RAD51D: variants seen among roughly 807,000 people sequenced by gnomAD.
RAD51D encodes DNA repair protein RAD51 homolog 4.
A neutral mutation model predicts 44.1 loss-of-function variants in RAD51D; 38 were observed. That is an observed-to-expected ratio of 0.86 (90% confidence interval 0.67 to 1.13). The LOEUF (loss-of-function observed/expected upper bound fraction) is 1.13, where lower values mean the gene tolerates loss of function less well. Among genes scored for constraint, RAD51D ranks in the 50% most tolerant of loss-of-function variants. The pLI, the probability that RAD51D is intolerant of heterozygous loss-of-function variation, is 0.00. For synonymous variants in RAD51D, 141 were observed against 166.6 expected (o/e 0.85, Z 1.18); for missense variants, 390 against 414.0 (o/e 0.94, Z 0.50).
chr17:35,108,486 C>G (rs1160143147), intron 3 of RAD51D, among the ~76,000 whole-genome samples: 1 of 142,688 alleles, frequency 7.0e-6, no homozygotes, highest in African/African-American at 2.7e-5. Context: ...ATAGCAAGAC[C>G]CTTTTCTCTT....
chr17:35,105,873 G>A (rs145165060), intron 6 of RAD51D, among the ~76,000 whole-genome samples: 74 of 152,210 alleles, frequency 4.9e-4, no homozygotes, highest in African/African-American at 1.7e-3. Flanking sequence ...AAAGGGAGGA[G>A]GTACAGAAAA....
In RAD51D at chr17:35,100,145, G is replaced by T. The variant is rs1426740648; in HGVS notation, c.*808C>A. The stretch of plus-strand genomic sequence containing the variant: ...GCTGTACTGTGGAGGGGCCCCACAG[G>T]GCACCATGCATATTAAATGAGTGGC... On this transcript the variant is annotated 3_prime_UTR_variant, in exon 10 of 10. Coordinates refer to ENST00000345365, the MANE Select transcript of RAD51D (RefSeq NM_002878.4). 1.9e-6 allele frequency: 1 copy of T among 533,020 alleles called. No individual in the cohort carries two copies. The highest frequency in any genetic ancestry group is 3.6e-6 in the Non-Finnish European group (1 of 275,580). 33.0% of individuals were successfully genotyped at this position (533,020 alleles called of 1,614,324 possible).
At position 35,099,771 on chromosome 17, in the gene RAD51D, G is replaced by C. The variant is rs772529166; in HGVS notation, c.*1182C>G. The C allele has an allele frequency of 2.3e-6, 1 of 429,818 alleles. No homozygotes were observed. The highest frequency in any genetic ancestry group is 4.6e-6 in the Non-Finnish European group (1 of 218,786). The allele number at this position is 429,818 out of a possible 1,614,324, so 26.6% of individuals were successfully genotyped here. A position where few individuals can be genotyped will look rare whatever the true frequency, so the allele number is the denominator to read the frequency against. On this transcript the variant is annotated 3_prime_UTR_variant, in exon 10 of 10. Coordinates refer to ENST00000345365, the MANE Select transcript of RAD51D (RefSeq NM_002878.4). ...AGATGACCTTCCTTTAAAAGATGTGGCCAGTAACCAATCCTGATCATTTCT... is the reference window on the plus strand; with the variant it reads ...AGATGACCTTCCTTTAAAAGATGTGCCCAGTAACCAATCCTGATCATTTCT...
Position 35,118,620 on chromosome 17 carries a change from C to T in RAD51D, c.145-1G>A. The T allele has an allele frequency of 6.2e-7, 1 of 1,613,650 alleles. No individual in the cohort carries two copies. The highest frequency in any genetic ancestry group is 8.5e-7 in the Non-Finnish European group (1 of 1,179,540). On this transcript the variant is annotated splice_acceptor_variant, in intron 2 of 9. Coordinates refer to ENST00000345365, the MANE Select transcript of RAD51D (RefSeq NM_002878.4). LOFTEE classifies it high-confidence loss of function. The stretch of plus-strand genomic sequence containing the variant: ...GCACCCGCCTCAGGGCAACCAGGGC[C>T]TGCCAAAGGGCCCCAGACTGCTCAG...
intron 3 of RAD51D, among the ~76,000 whole-genome samples, chr17:35,113,347 C>A (rs1000477889): frequency 6.6e-6 from 1 of 152,200 alleles, no homozygotes; most frequent in African/African-American, 2.4e-5. Context: ...CGGCTCACTG[C>A]AACCTCCGCC....
Position 35,099,945 on chromosome 17 carries a change from G to A in RAD51D, c.*1008C>T, listed in dbSNP as rs569497853. ...CTAGCTGTGGTACAGCTGGCAGGAA[G>A]AGAGGTGTAATTATATTGCATCTTG... On this transcript the variant is annotated 3_prime_UTR_variant, in exon 10 of 10. Coordinates refer to ENST00000345365, the MANE Select transcript of RAD51D (RefSeq NM_002878.4). 7.2e-5 allele frequency: 38 copies of A among 526,170 alleles called. 1 individual carries two copies. The highest frequency in any genetic ancestry group is 5.2e-4 in the South Asian group (34 of 65,102). The allele number at this position is 526,170 out of a possible 1,614,324, so 32.6% of individuals were successfully genotyped here.
At chr17:35,115,912 G>GAAGGAAGA (rs1555569842) in intron 3 of RAD51D, among the ~76,000 whole-genome samples, 7 of 106,590 alleles carry the variant, frequency 6.6e-5, no homozygotes, top group Non-Finnish European at 1.3e-4. Flanking sequence ...AGGAAGGAAG[G>GAAGGAAGA]AAGGAAGGAA....
rs140062175 is a variant in RAD51D at position 35,116,314 on chromosome 17, G to A, written c.263+2187C>T. On this transcript the variant is annotated intron_variant, in intron 3 of 9. Coordinates refer to ENST00000345365, the MANE Select transcript of RAD51D (RefSeq NM_002878.4). ...AACCCTGCTTTCACAATGGCCTCCC[G>A]CCTCCAGGGAGACAGCCGGGCAGAT... 2.5e-3 allele frequency among the ~76,000 whole-genome samples: 378 copies of A among 152,134 alleles called. 2 individuals are homozygous for A. The highest frequency in any genetic ancestry group is 0.02 in the Middle Eastern group (6 of 294).
chr17:35,113,746 A>T (rs1288379834), intron 3 of RAD51D, among the ~76,000 whole-genome samples: 1 of 152,200 alleles, frequency 6.6e-6, no homozygotes, highest in Non-Finnish European at 1.5e-5. Context: ...CATTGAGATC[A>T]GAGGAACCCC....
At chr17:35,110,781 G>A (rs1211312096) in intron 3 of RAD51D, among the ~76,000 whole-genome samples, 1 of 152,092 alleles carries the variant, frequency 6.6e-6, no homozygotes, top group African/African-American at 2.4e-5. Context: ...AGGCCAGCCT[G>A]GGCAACATAA....
At chr17:35,116,818 A>G (rs550296040) in intron 3 of RAD51D, 5 of 1,412,796 alleles carry the variant, frequency 3.5e-6, no homozygotes, top group East Asian at 5.0e-5. Context: ...AAACAGTAAC[A>G]TGCTCATTGG....
chr17:35,104,215 G>A (rs923139492), intron 6 of RAD51D, among the ~76,000 whole-genome samples: 27 of 152,174 alleles, frequency 1.8e-4, no homozygotes, highest in African/African-American at 2.4e-4. Context: ...CCACCATGGT[G>A]GTAAGGCCCT....
At position 35,107,382 on chromosome 17, in the gene RAD51D, C is replaced by G. The variant is rs587780103; in HGVS notation, c.329G>C (p.Gly110Ala). The G allele has an allele frequency of 6.4e-6, 10 of 1,560,160 alleles. No homozygotes were observed. The South Asian group carries it at 8.9e-5, about 14-fold the overall frequency. The change falls in exon 4 of 10, where the codon GGT becomes GCT. Residue 110 changes from glycine to alanine, a missense_variant. By Grantham distance (60) the Gly-to-Ala change is moderately conservative. Transcript: ENST00000345365. ...CACATGTACCTGAGTTTTGCCGCTA[C>G]CTGGGCCTCCTACAATTTCAGTCAC... ...GEVTEIVGGP[G>A]SGKTQVCLCM...
rs955272331 is a variant in RAD51D, at chr17:35,092,307, A to G, written c.*8646T>C. On this transcript the variant is annotated 3_prime_UTR_variant, in exon 10 of 10. Coordinates refer to ENST00000345365, the MANE Select transcript of RAD51D (RefSeq NM_002878.4). Reference sequence around the variant, plus strand: ...ATGAAGCACAGGCCTTTCCCCAAACAGTTGTGAAAAAATAAATCATATTAT... The same window carrying G: ...ATGAAGCACAGGCCTTTCCCCAAACGGTTGTGAAAAAATAAATCATATTAT... 8.5e-5 allele frequency: 13 copies of G among 152,304 alleles called. No individual in the cohort carries two copies. The highest frequency in any genetic ancestry group is 1.3e-4 in the Admixed American group (2 of 15,306). 9.4% of individuals were successfully genotyped at this position (152,304 alleles called of 1,614,324 possible). A position where few individuals can be genotyped will look rare whatever the true frequency, so the allele number is the denominator to read the frequency against.
rs1248973908 is a variant in RAD51D, at chr17:35,092,515, G to A, written c.*8438C>T. 6.6e-6 allele frequency: 1 copy of A among 152,146 alleles called. No individual in the cohort carries two copies. Among genetic ancestry groups the A allele is most frequent in the Admixed American group, 6.5e-5 (1 of 15,270 alleles). The allele number at this position is 152,146 out of a possible 1,614,324, so 9.4% of individuals were successfully genotyped here. ...GGCATATATTTTACCAACAAAGAATGTAATTCCCCTGCAACATACACTTTA... is the reference window on the plus strand; with the variant it reads ...GGCATATATTTTACCAACAAAGAATATAATTCCCCTGCAACATACACTTTA... On this transcript the variant is annotated 3_prime_UTR_variant, in exon 10 of 10. Transcript: ENST00000345365.
At chr17:35,107,728 G>GT (rs2091624977) in intron 3 of RAD51D, among the ~76,000 whole-genome samples, 1 of 142,336 alleles carries the variant, frequency 7.0e-6, no homozygotes, top group Admixed American at 7.0e-5. Context: ...CTCAGGCCCT[G>GT]TGGGTTTCCT....
intron 3 of RAD51D, among the ~76,000 whole-genome samples, chr17:35,108,368 G>A (rs1184706019): frequency 6.6e-6 from 1 of 151,878 alleles, no homozygotes; most frequent in Non-Finnish European, 1.5e-5. Flanking sequence ...AATAACAACT[G>A]TACTACAAAA....
In RAD51D at chr17:35,100,152, T is replaced by C. The variant is rs539550426; in HGVS notation, c.*801A>G. On this transcript the variant is annotated 3_prime_UTR_variant, in exon 10 of 10. Coordinates refer to ENST00000345365, the MANE Select transcript of RAD51D (RefSeq NM_002878.4). The stretch of plus-strand genomic sequence containing the variant: ...TGTGGAGGGGCCCCACAGGGCACCA[T>C]GCATATTAAATGAGTGGCTGGATTC... 3 of 532,798 alleles carry C rather than the reference T, an allele frequency of 5.6e-6. No homozygotes were observed. In the East Asian group the frequency reaches 1.2e-4, roughly 21 times the overall value. 33.0% of individuals were successfully genotyped at this position (532,798 alleles called of 1,614,324 possible).
chr17:35,106,687 G>A (rs925856635), intron 5 of RAD51D, among the ~76,000 whole-genome samples: 2 of 152,158 alleles, frequency 1.3e-5, no homozygotes, highest in African/African-American at 2.4e-5. Context: ...AGAGGGATAT[G>A]ACTGATTAGT....
Sources: gnomAD v4.1 joint callset for allele counts (sites outside exome capture counted in the v4.1 genomes callset) on GRCh38, gnomAD v4.1.1 for gene constraint, MANE v1.5 for transcripts, NCBI Gene and HGNC (gene_info 2026-07-23, HGNC 2026-07-21) for gene names.